The following SIRT3 variants were observed in gnomAD, a reference collection of about 807,000 sequenced individuals.
The protein encoded by SIRT3 is NAD-dependent protein deacetylase sirtuin-3, mitochondrial.
A neutral mutation model predicts 33.5 loss-of-function variants in SIRT3; 26 were observed. That is an observed-to-expected ratio of 0.78 (90% CI 0.57 to 1.08). The LOEUF is 1.08. Among genes scored for constraint, SIRT3 ranks in the 50% least tolerant of loss-of-function variants. SIRT3 has a pLI of 0.00. For synonymous variants in SIRT3, 237 were observed against 222.1 expected (o/e 1.07, Z -0.60); for missense variants, 585 against 530.1 (o/e 1.10, Z -1.02).
rs1371219089 is a variant in SIRT3, at chr11:215,185, G to A, written c.*1513C>T. ...GCCTGTAATCCCAGCACTTTGGGAG[G>A]CCGAGGTGGGTGGATCACTTGAAGC... On this transcript the variant is annotated 3_prime_UTR_variant, in exon 7 of 7. Coordinates refer to ENST00000382743, the MANE Select transcript of SIRT3 (RefSeq NM_012239.6). The A allele has an allele frequency of 1.3e-5, 2 of 152,892 alleles. No homozygotes were observed. Among genetic ancestry groups the A allele is most frequent in the African/African-American group, 4.8e-5 (2 of 41,454 alleles). 9.5% of individuals were successfully genotyped at this position (152,892 alleles called of 1,614,324 possible).
intron 1 of SIRT3, among the ~76,000 whole-genome samples, chr11:234,804 T>C (rs1858706056): frequency 6.6e-6 from 1 of 152,118 alleles, no homozygotes; most frequent in Non-Finnish European, 1.5e-5. Context: ...GCTCCATCCA[T>C]AGCACCTAGA....
intron 4 of SIRT3, among the ~76,000 whole-genome samples, chr11:226,829 C>A (rs1398734412): frequency 6.6e-6 from 1 of 151,186 alleles, no homozygotes. Context: ...TCTCAGCTCA[C>A]CGCAACCTCC....
chr11:225,477 T>G (rs1051574592), intron 4 of SIRT3, among the ~76,000 whole-genome samples: 3 of 152,020 alleles, frequency 2.0e-5, no homozygotes, highest in Non-Finnish European at 2.9e-5. Context: ...TATTAAAAAA[T>G]TATGTAATAA....
rs373001939 is a variant in SIRT3, at chr11:233,038, A to G, written c.651T>C (p.His217=). ...NVTHYFLRLL[H]DKGLLLRLYT... is the part of the protein sequence containing the mutation. Reference sequence around the variant, plus strand: ...AGAGCCGCAGAAGCAGCCCCTTGTCATGAAGCAGCCGGAGAAAGTAGTGAG... The same window carrying G: ...AGAGCCGCAGAAGCAGCCCCTTGTCGTGAAGCAGCCGGAGAAAGTAGTGAG... The change falls in exon 3 of 7, where the codon CAT becomes CAC. Residue 217 remains histidine, a synonymous_variant. Coordinates refer to ENST00000382743, the MANE Select transcript of SIRT3 (RefSeq NM_012239.6). 18 of 1,614,076 alleles carry G rather than the reference A, an allele frequency of 1.1e-5. No individual in the cohort carries two copies. The highest frequency in any genetic ancestry group is 1.3e-5 in the Non-Finnish European group (15 of 1,180,028).
At chr11:219,954 CAAT>C (rs1856199836) in intron 5 of SIRT3, among the ~76,000 whole-genome samples, 1 of 151,906 alleles carries the variant, frequency 6.6e-6, no homozygotes, top group Non-Finnish European at 1.5e-5. Flanking sequence ...CAACATATGA[CAAT>C]AGTTTATATT....
chr11:235,688 T>G (rs1858919904), intron 1 of SIRT3, among the ~76,000 whole-genome samples: 1 of 152,174 alleles, frequency 6.6e-6, no homozygotes, highest in Non-Finnish European at 1.5e-5. Flanking sequence ...CACATGCCAG[T>G]GGGAGTATTA....
chr11:218,859 C>T lies in SIRT3; in HGVS notation c.1152G>A (p.Arg384=), dbSNP rs199635999. Residue 384 remains arginine, a synonymous_variant, in exon 6 of 7, where the codon CGG becomes CGA. Transcript: ENST00000382743. ...TCCCAGTTTCCCGCTGCACAAGGTC[C>T]CGCATCTCTTCTGTCCAGCCCAGAA... The part of the protein sequence containing the change: ...VELLGWTEEM[R]DLVQRETGKL... The T allele has an allele frequency of 8.1e-6, 13 of 1,614,076 alleles. No individual in the cohort carries two copies. In the South Asian group the frequency reaches 1.1e-4, roughly 14 times the overall value.
chr11:219,987 T>C (rs1399287776), intron 5 of SIRT3, among the ~76,000 whole-genome samples: 2 of 152,250 alleles, frequency 1.3e-5, no homozygotes, highest in Non-Finnish European at 2.9e-5. Context: ...TAAACTCATT[T>C]ATAAACATAT....
At position 233,443 on chromosome 11, in the gene SIRT3, G is replaced by A. The variant is rs777656249; in HGVS notation, c.373C>T (p.Leu125=). ...GGSSDKGKLS[L]QDVAELIRAR... ...CGAATCAGCTCAGCTACATCCTGCA[G>A]GGAAAGCTTCCCCTTGTCACTGCTG... The change falls in exon 2 of 7, where the codon CTG becomes TTG. Residue 125 remains leucine, a synonymous_variant. Coordinates refer to ENST00000382743, the MANE Select transcript of SIRT3 (RefSeq NM_012239.6). The A allele has an allele frequency of 1.7e-5, 27 of 1,613,872 alleles. No individual in the cohort carries two copies. Among genetic ancestry groups the A allele is most frequent in the Non-Finnish European group, 2.1e-5 (25 of 1,180,008 alleles).
chr11:227,902 G>C (rs554631062), intron 4 of SIRT3, among the ~76,000 whole-genome samples: 1 of 152,138 alleles, frequency 6.6e-6, no homozygotes, highest in Non-Finnish European at 1.5e-5. Flanking sequence ...AATTACAGGC[G>C]TGAGCCACTG....
upstream of SIRT3, chr11:236,764 A>G: frequency 2.0e-6 from 1 of 507,562 alleles, no homozygotes; most frequent in Admixed American, 3.4e-5. Context: ...GGCTGACACC[A>G]CAAAGCTAGT....
At position 236,195 on chromosome 11, in the gene SIRT3, T is replaced by C. The variant is rs1358271194; in HGVS notation, c.134A>G (p.Asp45Gly). The C allele has an allele frequency of 1.3e-6, 2 of 1,560,678 alleles. No homozygotes were observed. The highest frequency in any genetic ancestry group is 1.4e-5 in the African/African-American group (1 of 73,380). The stretch of plus-strand genomic sequence containing the variant: ...GCTGCCTCTCAGCCCCGCACTCACA[T>C]CGTCCCTGCCGCCAAGCACCAGCCG... ...GCRLVLGGRD[D>G]VSAGLRGSHG... Residue 45 changes from aspartate (D) to glycine (G), a missense_variant, in exon 1 of 7, where the codon GAT becomes GGT. Transcript: ENST00000382743.
chr11:220,139 G>A (rs1856228728), intron 5 of SIRT3, among the ~76,000 whole-genome samples: 1 of 151,980 alleles, frequency 6.6e-6, no homozygotes, highest in South Asian at 2.1e-4. Context: ...AGACCAGCCT[G>A]GCCAACATAG....
At chr11:236,788 G>C (rs1590240784), upstream of SIRT3, 4 of 539,840 alleles carry the variant, frequency 7.4e-6, no homozygotes, top group East Asian at 6.5e-5. Context: ...TAGCGGGTTC[G>C]ACCACAGGCG....
chr11:230,751 A>T (rs3829998), intron 3 of SIRT3, 199 bp from the exon 4 acceptor site: 6 of 389,208 alleles, frequency 1.5e-5, no homozygotes, highest in Non-Finnish European at 2.3e-5. Context: ...GCAAAGGGGC[A>T]CCTAGCTGGA....
upstream of SIRT3, chr11:236,927 G>T: frequency 4.9e-6 from 4 of 811,200 alleles, no homozygotes; most frequent in South Asian, 3.0e-5. Context: ...CCCCCGGCCT[G>T]CTACGGCGCT....
intron 5 of SIRT3, among the ~76,000 whole-genome samples, chr11:221,350 A>G (rs2133819936): frequency 6.6e-6 from 1 of 152,316 alleles, no homozygotes; most frequent in Non-Finnish European, 1.5e-5. Flanking sequence ...GCTTCAGGCA[A>G]TCTTCCTGCC....
intron 4 of SIRT3, among the ~76,000 whole-genome samples, chr11:227,517 T>G (rs1298372839): frequency 6.6e-6 from 1 of 152,132 alleles, no homozygotes; most frequent in Non-Finnish European, 1.5e-5. Context: ...GAAATTTATA[T>G]GAAAAGCCAA....
intron 4 of SIRT3, among the ~76,000 whole-genome samples, chr11:228,151 T>C (rs1857422060): frequency 2.0e-5 from 3 of 152,190 alleles, no homozygotes; most frequent in African/African-American, 7.2e-5. Context: ...TAGTGTCCAG[T>C]ACATATTTAT....
Sources: gnomAD v4.1 joint callset for allele counts (sites outside exome capture counted in the v4.1 genomes callset) on GRCh38, gnomAD v4.1.1 for gene constraint, MANE v1.5 for transcripts, NCBI Gene and HGNC (gene_info 2026-07-23, HGNC 2026-07-21) for gene names.